RGPD4: variants seen among roughly 807,000 people sequenced by gnomAD.
RGPD4 encodes the protein RANBP2 like and GRIP domain containing 4.
Under a neutral mutation model 141.1 loss-of-function variants are expected in RGPD4, and 84 were observed. That is an observed-to-expected ratio of 0.60 (90% CI 0.50 to 0.71). RGPD4 has a LOEUF of 0.71. RGPD4 is among the 30% of genes least tolerant of loss of function. The pLI, the probability that RGPD4 is intolerant of heterozygous loss-of-function variation, is 0.00. For missense variants in RGPD4, 918 were observed against 1,622.4 expected, an observed-to-expected ratio of 0.57 and a Z score of 7.46; for synonymous variants, 298 against 566.8, an observed-to-expected ratio of 0.53 and a Z score of 6.74.
chr2:107,845,607 C>G (rs1485356985), intron 6 of RGPD4, among the ~76,000 whole-genome samples: 31 of 152,272 alleles, frequency 2.0e-4, no homozygotes, highest in Admixed American at 1.1e-3. Context: ...TTTGTCAGAT[C>G]AGTTAATCAG....
At chr2:107,845,492 G>T in intron 6 of RGPD4, among the ~76,000 whole-genome samples, 1 of 150,084 alleles carries the variant, frequency 6.7e-6, no homozygotes, top group Non-Finnish European at 1.5e-5. Flanking sequence ...TCTGGACCAT[G>T]AGGGGTTACT....
intron 1 of RGPD4, among the ~76,000 whole-genome samples, chr2:107,827,297 C>T (rs1249011460): frequency 9.2e-6 from 1 of 108,478 alleles, no homozygotes; most frequent in Admixed American, 8.5e-5. Flanking sequence ...TGCTCCCTGG[C>T]GCGCTCTGTT....
At chr2:107,880,620 A>G (rs1189275760) in intron 21 of RGPD4, among the ~76,000 whole-genome samples, 2 of 149,884 alleles carry the variant, frequency 1.3e-5, no homozygotes, top group East Asian at 3.9e-4. Flanking sequence ...TACTTTTCCT[A>G]AGAAACCGTA....
chr2:107,838,680 C>A, intron 3 of RGPD4, 132 bp from the exon 4 acceptor site: 1 of 566,342 alleles, frequency 1.8e-6, no homozygotes, highest in South Asian at 4.7e-5. Context: ...AATATGTTTT[C>A]TCTAGAAGTA....
chr2:107,879,446 G>C (rs1338112031), intron 20 of RGPD4, among the ~76,000 whole-genome samples: 1 of 53,246 alleles, frequency 1.9e-5, no homozygotes, highest in Admixed American at 1.4e-4. Flanking sequence ...TGGTGACATG[G>C]AGGCATCATG....
intron 22 of RGPD4, among the ~76,000 whole-genome samples, chr2:107,883,996 C>T (rs545944727): frequency 1.3e-5 from 2 of 152,104 alleles, no homozygotes; most frequent in South Asian, 4.2e-4. Flanking sequence ...TTCTCTGTCA[C>T]CTATACCTAG....
Position 107,829,539 on chromosome 2 carries a change from C to CGGCTGGCGCAG in RGPD4, c.72+2454_72+2455insGGCTGGCGCAG. ...TGGCGCGCTCTGTTGAGGCGGCGGC[C>CGGCTGGCGCAG]TCGACCTGGCCCGGCGGCGGCCTCG... On this transcript the variant is annotated intron_variant, in intron 1 of 22. Coordinates refer to ENST00000408999, the MANE Select transcript of RGPD4 (RefSeq NM_182588.3). Among the ~76,000 whole-genome samples the CGGCTGGCGCAG allele has an allele frequency of 1.4e-5, 2 of 143,560 alleles. 1 individual carries two copies. Among genetic ancestry groups the CGGCTGGCGCAG allele is most frequent in the African/African-American group, 5.4e-5 (2 of 36,724 alleles). The allele number at this position is 143,560 out of a possible 152,430, so 94.2% of individuals were successfully genotyped here. A position where few individuals can be genotyped will look rare whatever the true frequency, so the allele number is the denominator to read the frequency against.
intron 1 of RGPD4, among the ~76,000 whole-genome samples, chr2:107,831,552 ATTTTC>A (rs1238887710): frequency 1.1e-3 from 96 of 85,738 alleles, no homozygotes; most frequent in Middle Eastern, 0.023. Flanking sequence ...CATTTTAGAC[ATTTTC>A]TTTTCTTTTC....
rs1675654612 is a variant in RGPD4, at chr2:107,891,420, A to G, written c.*689A>G. Among the ~76,000 whole-genome samples the G allele has an allele frequency of 1.8e-5, 2 of 109,656 alleles. No individual in the cohort carries two copies. The highest frequency in any genetic ancestry group is 3.7e-5 in the Non-Finnish European group (2 of 53,448). 71.9% of individuals were successfully genotyped at this position (109,656 alleles called of 152,430 possible). A position where few individuals can be genotyped will look rare whatever the true frequency, so the allele number is the denominator to read the frequency against. ...TTTGTGATTAGAATATGAAGGAAAAAGCTTTGTTGGTAAAAGTGACATGTT... is the reference window on the plus strand; with the variant it reads ...TTTGTGATTAGAATATGAAGGAAAAGGCTTTGTTGGTAAAAGTGACATGTT... On this transcript the variant is annotated 3_prime_UTR_variant, in exon 23 of 23. Coordinates refer to ENST00000408999, the MANE Select transcript of RGPD4 (RefSeq NM_182588.3).
intron 1 of RGPD4, among the ~76,000 whole-genome samples, chr2:107,828,316 G>A (rs1195930393): frequency 5.8e-5 from 2 of 34,358 alleles, no homozygotes; most frequent in East Asian, 4.9e-4. Flanking sequence ...TTGAGGCGGC[G>A]GCCTCGACCC....
At position 107,826,963 on chromosome 2, in the gene RGPD4, G is replaced by A. The variant is rs568051184; in HGVS notation, c.-51G>A. 4.5e-6 allele frequency: 7 copies of A among 1,566,986 alleles called. No homozygotes were observed. In the South Asian group the frequency reaches 8.2e-5, roughly 18 times the overall value. ...TTTCCTGTTGGAATTGGCGACTGCT[G>A]CGGGGCTGAGCGCTGGTTTCACGCG... is the stretch of plus-strand genomic sequence containing the variant. On this transcript the variant is annotated 5_prime_UTR_variant, in exon 1 of 23. Coordinates refer to ENST00000408999, the MANE Select transcript of RGPD4 (RefSeq NM_182588.3).
rs1461842973 is a variant in RGPD4 at position 107,884,330 on chromosome 2, G to A, written c.5266+1457G>A. On this transcript the variant is annotated intron_variant, in intron 22 of 22. Transcript: ENST00000408999. ...TTGGCCAGGATGGTCTCAATCTCCT[G>A]ACCTTGTGATCTGCCCACCTTGGCC... 2.0e-5 allele frequency among the ~76,000 whole-genome samples: 3 copies of A among 152,174 alleles called. No individual in the cohort carries two copies. In the East Asian group the frequency reaches 5.8e-4, roughly 29 times the overall value.
intron 1 of RGPD4, among the ~76,000 whole-genome samples, chr2:107,833,918 C>T (rs141227456): frequency 0.043 from 6,484 of 151,966 alleles, 490 homozygotes; most frequent in African/African-American, 0.15. Context: ...CGCCTGCAGT[C>T]CCAGCTTGTA....
At chr2:107,867,276 C>A (rs1461009991) in intron 18 of RGPD4, among the ~76,000 whole-genome samples, 1 of 151,498 alleles carries the variant, frequency 6.6e-6, no homozygotes, top group South Asian at 2.1e-4. Context: ...CCTTTTTTTT[C>A]TCTCTCTCTT....
intron 22 of RGPD4, among the ~76,000 whole-genome samples, chr2:107,886,025 C>T (rs1270998486): frequency 6.7e-6 from 1 of 148,564 alleles, no homozygotes; most frequent in Non-Finnish European, 1.5e-5. Context: ...TGCACTCCAG[C>T]CCGAGCAACA....
intron 22 of RGPD4, among the ~76,000 whole-genome samples, chr2:107,883,893 T>C (rs1305288633): frequency 1.3e-5 from 2 of 152,316 alleles, no homozygotes; most frequent in East Asian, 1.9e-4. Context: ...TTTCAACTCA[T>C]GGACAATCTT....
At chr2:107,845,026 G>T (rs1370475634) in intron 6 of RGPD4, among the ~76,000 whole-genome samples, 1 of 142,422 alleles carries the variant, frequency 7.0e-6, no homozygotes, top group Non-Finnish European at 1.5e-5. Context: ...AGTAGAGACG[G>T]GGTTCAGGAT....
chr2:107,844,769 C>G (rs1380325884), intron 6 of RGPD4, among the ~76,000 whole-genome samples: 1 of 108,814 alleles, frequency 9.2e-6, no homozygotes, highest in African/African-American at 3.5e-5. Context: ...TTACATTTTT[C>G]TTAAGGACAT....
chr2:107,880,160 C>G (rs571557748), intron 21 of RGPD4, 53 bp downstream of exon 21: 6 of 1,610,904 alleles, frequency 3.7e-6, no homozygotes, highest in Non-Finnish European at 4.2e-6. Context: ...GTTTTCTGGA[C>G]CCTCCATACA....
Sources: allele counts gnomAD v4.1 joint callset (sites outside exome capture counted in the v4.1 genomes callset), GRCh38; gene constraint gnomAD v4.1.1; transcripts MANE v1.5; gene names NCBI Gene and HGNC (gene_info 2026-07-23, HGNC 2026-07-21).